Variants in SGMS2 observed in about 807,000 individuals in gnomAD.
The protein encoded by SGMS2 is phosphatidylcholine:ceramide cholinephosphotransferase 2.
Under a neutral mutation model 43.8 loss-of-function variants are expected in SGMS2, and 21 were observed. The observed-to-expected ratio is 0.48, with a 90% CI of 0.34 to 0.69. The LOEUF (loss-of-function observed/expected upper bound fraction) is 0.69, where lower values mean the gene tolerates loss of function less well. SGMS2 is among the 30% of genes least tolerant of loss of function. The pLI is 0.01. For missense variants in SGMS2, 384 were observed against 443.2 expected, an observed-to-expected ratio of 0.87 and a Z score of 1.20; for synonymous variants, 167 against 160.6, an observed-to-expected ratio of 1.04 and a Z score of -0.30.
chr4:107,863,858 T>C (rs918903685), intron 2 of SGMS2: 1 of 152,208 alleles, frequency 6.6e-6, no homozygotes, highest in African/African-American at 2.4e-5. Flanking sequence ...CATTAGTGAC[T>C]CATTTAGGAA....
At position 107,840,958 on chromosome 4, in the gene SGMS2, G is replaced by A. The variant is rs72675565; in HGVS notation, c.-327+15705G>A. Among the ~76,000 whole-genome samples the A allele has an allele frequency of 6.4e-3, 971 of 152,306 alleles. 5 individuals are homozygous for A. The highest frequency in any genetic ancestry group is 0.011 in the Non-Finnish European group (728 of 68,020). ...AAGCACATATTTTGTGCCAGGCTGA[G>A]TGTACTATTGTAAACAAAACAGATG... On this transcript the variant is annotated intron_variant, in intron 1 of 6. Coordinates refer to ENST00000690982, the MANE Select transcript of SGMS2 (RefSeq NM_001375905.1).
rs538956643 is a variant in SGMS2, at chr4:107,869,295, G to A, written c.-245+10742G>A. 7.9e-5 allele frequency among the ~76,000 whole-genome samples: 12 copies of A among 152,258 alleles called. No homozygotes were observed. In the South Asian group the frequency reaches 2.5e-3, roughly 32 times the overall value. On this transcript the variant is annotated intron_variant, in intron 2 of 6. Coordinates refer to ENST00000690982, the MANE Select transcript of SGMS2 (RefSeq NM_001375905.1). ...TGACATCTGCTGAGACCTGAAGCAC[G>A]AGAGCCAAGTGTGTAAGCAAGTCGA... is the stretch of plus-strand genomic sequence containing the variant.
chr4:107,829,894 C>T (rs1214815726), intron 1 of SGMS2, among the ~76,000 whole-genome samples: 1 of 152,042 alleles, frequency 6.6e-6, no homozygotes, highest in Non-Finnish European at 1.5e-5. Flanking sequence ...TTTATTTTTC[C>T]TTCCAGCTTT....
intron 2 of SGMS2, among the ~76,000 whole-genome samples, chr4:107,859,436 C>T (rs1727606498): frequency 6.6e-6 from 1 of 152,096 alleles, no homozygotes; most frequent in Admixed American, 6.5e-5. Flanking sequence ...CTGTGAAATT[C>T]ACAATAATTC....
intron 2 of SGMS2, among the ~76,000 whole-genome samples, chr4:107,861,625 A>C (rs1039811155): frequency 1.8e-4 from 28 of 152,216 alleles, no homozygotes; most frequent in African/African-American, 6.0e-4. Flanking sequence ...ACTTTGGTGG[A>C]ATTCAAGAAT....
chr4:107,869,391 T>C (rs143806114), intron 2 of SGMS2, among the ~76,000 whole-genome samples: 4 of 152,132 alleles, frequency 2.6e-5, no homozygotes, highest in African/African-American at 4.8e-5. Context: ...ATATTGCATG[T>C]GAAATAAACA....
intron 1 of SGMS2, among the ~76,000 whole-genome samples, chr4:107,831,812 C>G (rs1725905209): frequency 6.6e-6 from 1 of 152,202 alleles, no homozygotes; most frequent in African/African-American, 2.4e-5. Flanking sequence ...AATTCAAGAA[C>G]TTTCATAAGA....
Position 107,895,479 on chromosome 4 carries a change from G to T in SGMS2, c.-75G>T. 1 of 1,419,174 alleles carries T rather than the reference G, an allele frequency of 7.0e-7. No individual in the cohort carries two copies. The highest frequency in any genetic ancestry group is 9.6e-7 in the Non-Finnish European group (1 of 1,042,872). 87.9% of individuals were successfully genotyped at this position (1,419,174 alleles called of 1,614,324 possible). A position where few individuals can be genotyped will look rare whatever the true frequency, so the allele number is the denominator to read the frequency against. ...GTCCATGTTGATCTTGGAAATAGAA[G>T]GATTGAAAAAAGCTAAATTTCCACA... On this transcript the variant is annotated 5_prime_UTR_variant, in exon 3 of 7. It adds an upstream start codon to the 5' untranslated region. Coordinates refer to ENST00000690982, the MANE Select transcript of SGMS2 (RefSeq NM_001375905.1).
chr4:107,903,109 C>T (rs1731263457), intron 4 of SGMS2, 124 bp from the exon 5 acceptor site: 2 of 887,238 alleles, frequency 2.3e-6, no homozygotes, highest in African/African-American at 1.7e-5. Flanking sequence ...TTCTTTTTGA[C>T]TTTCTAGGTT....
intron 2 of SGMS2, among the ~76,000 whole-genome samples, chr4:107,878,311 G>A (rs987452046): frequency 2.0e-5 from 3 of 152,182 alleles, no homozygotes; most frequent in African/African-American, 7.2e-5. Flanking sequence ...AGAACCTCTA[G>A]ATGTGTCAGA....
chr4:107,909,109 ATTT>A (rs113023546), intron 6 of SGMS2, among the ~76,000 whole-genome samples: 1 of 145,486 alleles, frequency 6.9e-6, no homozygotes. Flanking sequence ...ATTTTTTTTA[ATTT>A]TTTTTTTTTT....
chr4:107,860,565 A>G (rs1241412248), intron 2 of SGMS2, among the ~76,000 whole-genome samples: 2 of 149,132 alleles, frequency 1.3e-5, no homozygotes, highest in Non-Finnish European at 3.0e-5. Context: ...TCTGTTGCCC[A>G]GGCTGGAGTG....
chr4:107,846,000 T>G lies in SGMS2; in HGVS notation c.-326-12472T>G, dbSNP rs187431454. Among the ~76,000 whole-genome samples the G allele has an allele frequency of 3.7e-3, 564 of 152,310 alleles. 2 individuals carry two copies. The highest frequency in any genetic ancestry group is 0.013 in the African/African-American group (536 of 41,582). Reference sequence around the variant, plus strand: ...CTGCATTTAGAATGCTCTTTACTTTTAGAAGGCTTAAGTGCTTTCGAATTG... The same window carrying G: ...CTGCATTTAGAATGCTCTTTACTTTGAGAAGGCTTAAGTGCTTTCGAATTG... On this transcript the variant is annotated intron_variant, in intron 1 of 6. Coordinates refer to ENST00000690982, the MANE Select transcript of SGMS2 (RefSeq NM_001375905.1).
At chr4:107,841,618 T>C (rs142218383) in intron 1 of SGMS2, among the ~76,000 whole-genome samples, 329 of 152,248 alleles carry the variant, frequency 2.2e-3, no homozygotes, top group Middle Eastern at 0.017. Context: ...ATGGTACTTT[T>C]TAAAAATTTT....
chr4:107,871,571 A>G (rs547322120), intron 2 of SGMS2, among the ~76,000 whole-genome samples: 2 of 152,114 alleles, frequency 1.3e-5, no homozygotes, highest in African/African-American at 4.8e-5. Context: ...TGCACAGAAC[A>G]GGAGGACATA....
chr4:107,867,515 T>C (rs899891846), intron 2 of SGMS2: 2 of 152,186 alleles, frequency 1.3e-5, no homozygotes, highest in African/African-American at 2.4e-5. Context: ...AGCTGTGTGC[T>C]CATTTGCGAC....
At chr4:107,829,912 G>C (rs552099448) in intron 1 of SGMS2, among the ~76,000 whole-genome samples, 5 of 152,028 alleles carry the variant, frequency 3.3e-5, no homozygotes, top group African/African-American at 1.2e-4. Flanking sequence ...TTTTATTTTG[G>C]GTGTGCAGGT....
chr4:107,867,117 T>A (rs923428173), intron 2 of SGMS2: 2 of 152,190 alleles, frequency 1.3e-5, no homozygotes, highest in Non-Finnish European at 2.9e-5. Flanking sequence ...GGTGGAGGCC[T>A]GAAGACACAT....
chr4:107,834,163 C>T (rs1388699493), intron 1 of SGMS2, among the ~76,000 whole-genome samples: 2 of 152,202 alleles, frequency 1.3e-5, no homozygotes, highest in Non-Finnish European at 2.9e-5. Flanking sequence ...TTGATTTGTT[C>T]CTTATGCCAG....
Sources: gnomAD v4.1 joint callset for allele counts (sites outside exome capture counted in the v4.1 genomes callset) on GRCh38, gnomAD v4.1.1 for gene constraint, MANE v1.5 for transcripts, NCBI Gene and HGNC (gene_info 2026-07-23, HGNC 2026-07-21) for gene names.